The following PDXDC1 variants were observed in gnomAD, a reference collection of about 807,000 sequenced individuals.
The protein encoded by PDXDC1 is pyridoxal dependent decarboxylase domain containing 1.
PDXDC1 carries 42 observed loss-of-function variants against 100.1 expected under a neutral mutation model. The observed-to-expected ratio is 0.42, with a 90% CI of 0.33 to 0.54. The LOEUF (loss-of-function observed/expected upper bound fraction) is 0.54. Among genes scored for constraint, PDXDC1 ranks in the 20% least tolerant of loss-of-function variants. PDXDC1 has a pLI of 0.10. For missense variants in PDXDC1, 636 were observed against 979.2 expected, an observed-to-expected ratio of 0.65 and a Z score of 4.68; for synonymous variants, 260 against 371.7, an observed-to-expected ratio of 0.70 and a Z score of 3.46.
chr16:15,031,790 A>G lies in PDXDC1; in HGVS notation c.1455A>G (p.Lys485=). ...VDQLVACIES[K]LPVLCCTLQL... is the part of the protein sequence containing the mutation. ...AGCTCGTAGCCTGCATAGAAAGCAA[A>G]CTGCCAGTGCTGTGCTGTACGCTCC... Residue 485 remains lysine (K), a synonymous_variant, in exon 17 of 23, where the codon AAA becomes AAG. Transcript: ENST00000396410. 1 of 1,613,906 alleles carries G rather than the reference A, an allele frequency of 6.2e-7. No homozygotes were observed. The highest frequency in any genetic ancestry group is 8.5e-7 in the Non-Finnish European group (1 of 1,179,900).
chr16:15,099,419 CAAAAAAA>C (rs768689960), intron 16 of PDXDC1, among the ~76,000 whole-genome samples: 9 of 40,938 alleles, frequency 2.2e-4, no homozygotes, highest in South Asian at 1.1e-3. Context: ...GACTTGGTCT[CAAAAAAA>C]AAAAAAAAAA....
At chr16:15,005,576 C>G (rs1325894242) in intron 5 of PDXDC1, among the ~76,000 whole-genome samples, 28 of 152,394 alleles carry the variant, frequency 1.8e-4, no homozygotes, top group Non-Finnish European at 3.8e-4. Flanking sequence ...GTTTGCCCAA[C>G]TTTATTAAAG....
At chr16:15,098,334 G>C (rs898840753) in intron 16 of PDXDC1, among the ~76,000 whole-genome samples, 3 of 151,156 alleles carry the variant, frequency 2.0e-5, no homozygotes, top group Admixed American at 6.6e-5. Flanking sequence ...CTGAGTAGCT[G>C]GGACTACATG....
chr16:15,152,092 C>T, the PDXDC1 span, among the ~76,000 whole-genome samples: 13 of 148,474 alleles, frequency 8.8e-5, no homozygotes, highest in East Asian at 1.2e-3. Context: ...TTTTGCAGTA[C>T]GCCATCTTTT....
rs2151643849 is a variant in PDXDC1 at position 15,032,995 on chromosome 16, G to A, written c.1690+16G>A. The A allele has an allele frequency of 7.0e-7, 1 of 1,419,040 alleles. No individual in the cohort carries two copies. Among genetic ancestry groups the A allele is most frequent in the Non-Finnish European group, 1.0e-6 (1 of 1,001,900 alleles). 87.9% of individuals were successfully genotyped at this position (1,419,040 alleles called of 1,614,324 possible). A position where few individuals can be genotyped will look rare whatever the true frequency, so the allele number is the denominator to read the frequency against. ...TTTAAAATAGGTAACTGCTTACTTTGTAAGTCAGCTGTGGGGTTTGGAAGG... is the reference window on the plus strand; with the variant it reads ...TTTAAAATAGGTAACTGCTTACTTTATAAGTCAGCTGTGGGGTTTGGAAGG... On this transcript the variant is annotated intron_variant, in intron 18 of 22. Transcript: ENST00000396410.
At chr16:15,145,551 A>C in the PDXDC1 span, among the ~76,000 whole-genome samples, 1 of 152,270 alleles carries the variant, frequency 6.6e-6, no homozygotes, top group African/African-American at 2.4e-5. Context: ...TGCTAAGGTC[A>C]GGAACGCCAG....
chr16:15,078,596 G>A (rs192273436), intron 16 of PDXDC1, among the ~76,000 whole-genome samples: 6 of 152,164 alleles, frequency 3.9e-5, no homozygotes, highest in South Asian at 2.1e-4. Context: ...TCCTTCCGGC[G>A]GATCCTTCCT....
intron 12 of PDXDC1, among the ~76,000 whole-genome samples, chr16:15,022,037 C>T (rs1245022877): frequency 6.6e-6 from 1 of 152,294 alleles, no homozygotes; most frequent in African/African-American, 2.4e-5. Flanking sequence ...TTCTACTGTC[C>T]AGTACTCAGT....
intron 4 of PDXDC1, among the ~76,000 whole-genome samples, chr16:15,003,920 G>A (rs1206480219): frequency 6.6e-6 from 1 of 152,256 alleles, no homozygotes; most frequent in Non-Finnish European, 1.5e-5. Context: ...GGAGGTGGAG[G>A]TTGTAGTGAG....
chr16:15,147,572 G>T, the PDXDC1 span, among the ~76,000 whole-genome samples: 4 of 152,284 alleles, frequency 2.6e-5, no homozygotes, highest in East Asian at 7.7e-4. Context: ...TGTCTCCCAG[G>T]CTGGAGTGCA....
chr16:15,149,835 C>T, the PDXDC1 span, among the ~76,000 whole-genome samples: 3 of 152,046 alleles, frequency 2.0e-5, no homozygotes, highest in Admixed American at 6.6e-5. Context: ...GACATCTACA[C>T]CTAGGTCACT....
At position 15,127,429 on chromosome 16, in the gene PDXDC1, G is replaced by A; in HGVS notation, c.1400-11450G>A. 3.3e-6 allele frequency: 5 copies of A among 1,497,386 alleles called. 1 individual carries two copies. The South Asian group carries it at 6.0e-5, about 18-fold the overall frequency. 92.8% of individuals were successfully genotyped at this position (1,497,386 alleles called of 1,614,324 possible). On this transcript the variant is annotated intron_variant, in intron 16 of 16. Transcript: ENST00000535621. ...CTCTGGGCATGGTGCCGAGGCCCAG[G>A]CTCCATTCCCAGTACTCCCCGGTCC...
rs534548415 is a variant in PDXDC1 at position 15,132,644 on chromosome 16, G to A, written c.1400-6235G>A. 3.1e-4 allele frequency: 231 copies of A among 753,390 alleles called. 1 individual carries two copies. The African/African-American group carries it at 3.6e-3, about 12-fold the overall frequency. The allele number at this position is 753,390 out of a possible 1,614,324, so 46.7% of individuals were successfully genotyped here. ...GGAGGCTCAGCTCCTCGGCCAAGCT[G>A]CCCGTCTGCCCTGGGGGGCTGAACC... On this transcript the variant is annotated intron_variant, in intron 16 of 16. Transcript: ENST00000535621.
chr16:15,042,718 C>CTATTTATTTATTTATTTATT (rs58123477), downstream of PDXDC1, among the ~76,000 whole-genome samples: 694 of 147,096 alleles, frequency 4.7e-3, 5 homozygotes, highest in African/African-American at 0.011. Context: ...AAAGGATGAA[C>CTATTTATTTATTTATTTATT]TATTTATTTA....
chr16:15,001,919 C>T (rs1178000195), intron 4 of PDXDC1, 63 bp downstream of exon 4: 1 of 1,390,494 alleles, frequency 7.2e-7, no homozygotes, highest in South Asian at 1.3e-5. Flanking sequence ...AGTGATTGCG[C>T]TCTGACAAGT....
chr16:15,077,268 C>G (rs1330140007), intron 16 of PDXDC1, among the ~76,000 whole-genome samples: 2 of 152,028 alleles, frequency 1.3e-5, no homozygotes, highest in Admixed American at 1.3e-4. Flanking sequence ...CATGAGCCAC[C>G]GCGCCTGGCC....
intron 16 of PDXDC1, among the ~76,000 whole-genome samples, chr16:15,070,430 AG>A (rs1396936566): frequency 6.6e-6 from 1 of 151,786 alleles, no homozygotes; most frequent in Non-Finnish European, 1.5e-5. Flanking sequence ...ATGGGTGCGT[AG>A]GAAGACAACC....
At position 15,016,214 on chromosome 16, in the gene PDXDC1, G is replaced by A. The variant is rs1292744383; in HGVS notation, c.812+1G>A. Reference sequence around the variant, plus strand: ...ATGGCATATGGCTTCATGTGGAGGGGTAAGCCGGCGGTGAGGCTGGTGGCT... The same window carrying A: ...ATGGCATATGGCTTCATGTGGAGGGATAAGCCGGCGGTGAGGCTGGTGGCT... On this transcript the variant is annotated splice_donor_variant, in intron 9 of 22. Transcript: ENST00000396410. LOFTEE classifies it high-confidence loss of function. 6.2e-7 allele frequency: 1 copy of A among 1,612,192 alleles called. No individual in the cohort carries two copies. Among genetic ancestry groups the A allele is most frequent in the Non-Finnish European group, 8.5e-7 (1 of 1,179,676 alleles).
chr16:15,081,539 T>G (rs1015086811), intron 16 of PDXDC1, among the ~76,000 whole-genome samples: 4 of 152,218 alleles, frequency 2.6e-5, no homozygotes, highest in Admixed American at 6.5e-5. Flanking sequence ...TATTTGCCCT[T>G]TTATTATTCA....
Sources: allele counts gnomAD v4.1 joint callset (sites outside exome capture counted in the v4.1 genomes callset), GRCh38; gene constraint gnomAD v4.1.1; transcripts MANE v1.5; gene names NCBI Gene and HGNC (gene_info 2026-07-23, HGNC 2026-07-21).